The following SLCO1B3 variants were observed in gnomAD, a reference collection of about 807,000 sequenced individuals.
SLCO1B3 encodes the protein solute carrier organic anion transporter family member 1B3, also known as liver-specific organic anion transporter 2.
A neutral mutation model predicts 71.8 loss-of-function variants in SLCO1B3; 72 were observed. The observed-to-expected ratio is 1.00, with a 90% CI of 0.83 to 1.22. The LOEUF (loss-of-function observed/expected upper bound fraction) is 1.22, where lower values mean the gene tolerates loss of function less well. Among genes scored for constraint, SLCO1B3 ranks in the 50% most tolerant of loss-of-function variants. The pLI, the probability that SLCO1B3 is intolerant of heterozygous loss-of-function variation, is 0.00. For missense variants in SLCO1B3, 911 were observed against 819.7 expected, an observed-to-expected ratio of 1.11 and a Z score of -1.36; for synonymous variants, 298 against 278.4, an observed-to-expected ratio of 1.07 and a Z score of -0.70.
chr12:20,837,901 G>T (rs1864716156), intron 3 of SLCO1B3, among the ~76,000 whole-genome samples: 1 of 152,026 alleles, frequency 6.6e-6, no homozygotes, highest in Non-Finnish European at 1.5e-5. Context: ...TGCTGGATTT[G>T]TTCCCTTCCC....
rs946671511 is a variant in SLCO1B3 at position 20,875,481 on chromosome 12, G to A, written c.970+4G>A. 7 of 1,593,660 alleles carry A rather than the reference G, an allele frequency of 4.4e-6. No homozygotes were observed. Among genetic ancestry groups the A allele is most frequent in the Non-Finnish European group, 6.0e-6 (7 of 1,175,560 alleles). On this transcript the variant is annotated splice_donor_region_variant and intron_variant, in intron 9 of 15. Transcript: ENST00000381545. ...AATGTTACCAAAAATGTGACTGGTAGGTATTTGACATTCATTGTCAACTTG... is the reference window on the plus strand; with the variant it reads ...AATGTTACCAAAAATGTGACTGGTAAGTATTTGACATTCATTGTCAACTTG...
At chr12:20,859,408 G>A (rs1865207893) in intron 5 of SLCO1B3, among the ~76,000 whole-genome samples, 2 of 152,084 alleles carry the variant, frequency 1.3e-5, no homozygotes, top group Non-Finnish European at 2.9e-5. Flanking sequence ...GAGAGACAAC[G>A]AGCAGTTTGT....
At chr12:20,841,753 G>T (rs977980985) in intron 3 of SLCO1B3, among the ~76,000 whole-genome samples, 1 of 151,988 alleles carries the variant, frequency 6.6e-6, no homozygotes, top group African/African-American at 2.4e-5. Flanking sequence ...GTAGGCCTCA[G>T]CATCTATTGT....
rs1248273345 is a variant in SLCO1B3 at position 20,916,257 on chromosome 12, G to A, written c.*10G>A. ...TGCTGCTGCCAACTAACATTGCATT[G>A]ATTCATTAAGATGTTATTTTTGAGG... On this transcript the variant is annotated 3_prime_UTR_variant, in exon 16 of 16. Coordinates refer to ENST00000381545, the MANE Select transcript of SLCO1B3 (RefSeq NM_019844.4). 2 of 1,607,404 alleles carry A rather than the reference G, an allele frequency of 1.2e-6. No homozygotes were observed. Among genetic ancestry groups the A allele is most frequent in the Non-Finnish European group, 8.5e-7 (1 of 1,176,350 alleles).
chr12:20,894,121 A>T (rs975015014), intron 13 of SLCO1B3, among the ~76,000 whole-genome samples: 2 of 152,218 alleles, frequency 1.3e-5, no homozygotes. Flanking sequence ...TAGAAAGAAC[A>T]ACAGAGGATC....
At chr12:20,865,505 TAAG>T (rs771249647) in intron 8 of SLCO1B3, among the ~76,000 whole-genome samples, 2 of 152,100 alleles carry the variant, frequency 1.3e-5, no homozygotes, top group African/African-American at 2.4e-5. Flanking sequence ...TTTACTGAGA[TAAG>T]AACAATTAAA....
chr12:20,849,656 AT>A (rs1464209827), intron 3 of SLCO1B3, among the ~76,000 whole-genome samples: 21 of 151,400 alleles, frequency 1.4e-4, no homozygotes, highest in Non-Finnish European at 2.4e-4. Flanking sequence ...AGCCCAAAGA[AT>A]CCACAAGAAA....
intron 3 of SLCO1B3, among the ~76,000 whole-genome samples, chr12:20,849,764 A>G (rs936682726): frequency 6.6e-6 from 1 of 151,498 alleles, no homozygotes; most frequent in African/African-American, 2.4e-5. Flanking sequence ...GTGTTTCTGT[A>G]CACCGGGAAT....
intron 11 of SLCO1B3, among the ~76,000 whole-genome samples, chr12:20,879,867 T>C (rs929328184): frequency 1.3e-5 from 2 of 152,110 alleles, no homozygotes; most frequent in Non-Finnish European, 2.9e-5. Context: ...TTCTGGGTAA[T>C]TAAAATGAGT....
chr12:20,862,629 AT>A lies in SLCO1B3; in HGVS notation c.628+78del, dbSNP rs1158923112. ...CTACCCTTGAAATAATAATGTCATTATTTTTTTCTTTTACCTATTAGAAAAA... is the reference window on the plus strand; with the variant it reads ...CTACCCTTGAAATAATAATGTCATTATTTTTTCTTTTACCTATTAGAAAAA... On this transcript the variant is annotated intron_variant, in intron 7 of 15. Coordinates refer to ENST00000381545, the MANE Select transcript of SLCO1B3 (RefSeq NM_019844.4). 1.5e-5 allele frequency: 23 copies of A among 1,493,346 alleles called. No individual in the cohort carries two copies. The East Asian group carries it at 2.5e-4, about 16-fold the overall frequency. 92.5% of individuals were successfully genotyped at this position (1,493,346 alleles called of 1,614,324 possible). A position where few individuals can be genotyped will look rare whatever the true frequency, so the allele number is the denominator to read the frequency against.
At chr12:20,887,309 A>G (rs999925891) in intron 13 of SLCO1B3, among the ~76,000 whole-genome samples, 4 of 151,966 alleles carry the variant, frequency 2.6e-5, no homozygotes, top group South Asian at 4.1e-4. Flanking sequence ...TTTTCCATAG[A>G]GGTTTTACTA....
intron 12 of SLCO1B3, among the ~76,000 whole-genome samples, chr12:20,881,526 G>A (rs1865693644): frequency 6.6e-6 from 1 of 152,122 alleles, no homozygotes; most frequent in Non-Finnish European, 1.5e-5. Flanking sequence ...AATGAGTCAA[G>A]TCTTCATGTT....
chr12:20,865,651 C>T (rs1263949716), intron 8 of SLCO1B3, among the ~76,000 whole-genome samples: 1 of 151,804 alleles, frequency 6.6e-6, no homozygotes, highest in East Asian at 1.9e-4. Flanking sequence ...ACATGAAAAA[C>T]CTTGCAGATA....
intron 13 of SLCO1B3, among the ~76,000 whole-genome samples, chr12:20,885,655 G>T (rs1865780229): frequency 6.6e-6 from 1 of 151,876 alleles, no homozygotes; most frequent in East Asian, 1.9e-4. Context: ...ATGAGGACAG[G>T]AAAGGAACAA....
chr12:20,830,405 G>A (rs1864515107), intron 3 of SLCO1B3, among the ~76,000 whole-genome samples: 1 of 152,188 alleles, frequency 6.6e-6, no homozygotes, highest in African/African-American at 2.4e-5. Flanking sequence ...AGGGGAAGGA[G>A]AGGTGAGGGT....
At chr12:20,889,698 T>A (rs1321142819) in intron 13 of SLCO1B3, among the ~76,000 whole-genome samples, 2 of 152,118 alleles carry the variant, frequency 1.3e-5, no homozygotes, top group African/African-American at 4.8e-5. Flanking sequence ...TCATTTAGAT[T>A]TTTTCTTTGA....
rs182658963 is a variant in SLCO1B3 at position 20,860,025 on chromosome 12, G to A, written c.360-992G>A. Reference sequence around the variant, plus strand: ...GGCTGGAGTGCAGTGGCGCGATCTCGGCTCACTGCAAGCCCCGCCTCCCGG... The same window carrying A: ...GGCTGGAGTGCAGTGGCGCGATCTCAGCTCACTGCAAGCCCCGCCTCCCGG... On this transcript the variant is annotated intron_variant, in intron 5 of 15. Transcript: ENST00000381545. Among the ~76,000 whole-genome samples, 1,338 of 144,874 alleles carry A rather than the reference G, an allele frequency of 9.2e-3. 13 individuals carry two copies. The highest frequency in any genetic ancestry group is 0.032 in the African/African-American group (1,257 of 38,872).
intron 3 of SLCO1B3, among the ~76,000 whole-genome samples, chr12:20,840,505 C>G (rs544166582): frequency 1.3e-4 from 19 of 151,722 alleles, no homozygotes; most frequent in Non-Finnish European, 2.4e-4. Flanking sequence ...AATTCTCTGC[C>G]TCAGCCTCCC....
intron 9 of SLCO1B3, 53 bp downstream of exon 9, chr12:20,875,530 G>A (rs1865564999): frequency 3.3e-6 from 5 of 1,538,198 alleles, no homozygotes; most frequent in Non-Finnish European, 8.8e-7. Flanking sequence ...CAATGAAACG[G>A]AGAAGTGAGT....
Sources: gnomAD v4.1 joint callset for allele counts (sites outside exome capture counted in the v4.1 genomes callset) on GRCh38, gnomAD v4.1.1 for gene constraint, MANE v1.5 for transcripts, NCBI Gene and HGNC (gene_info 2026-07-23, HGNC 2026-07-21) for gene names.